NTM: variants seen among roughly 807,000 people sequenced by gnomAD.
The protein encoded by NTM is IgLON family member 2.
Under a neutral mutation model 42.1 loss-of-function variants are expected in NTM, and 13 were observed. The observed-to-expected ratio is 0.31, with a 90% CI of 0.20 to 0.49. NTM has a LOEUF of 0.49. Ranked by LOEUF, NTM falls within the 20% of genes least tolerant of loss-of-function variation. The pLI, the probability that NTM is intolerant of heterozygous loss-of-function variation, is 0.99. For synonymous variants in NTM, 187 were observed against 179.2 expected (o/e 1.04, Z -0.35); for missense variants, 373 against 452.8 (o/e 0.82, Z 1.60).
chr11:132,104,587 C>A (rs2062048113), intron 2 of NTM, among the ~76,000 whole-genome samples: 1 of 129,596 alleles, frequency 7.7e-6, no homozygotes, highest in African/African-American at 3.1e-5. Context: ...CCCCCCCCCA[C>A]CAAAAATAAT....
At chr11:131,547,317 A>C (rs1416377285) in intron 1 of NTM, among the ~76,000 whole-genome samples, 1 of 152,204 alleles carries the variant, frequency 6.6e-6, no homozygotes, top group Non-Finnish European at 1.5e-5. Context: ...AGTAACATTT[A>C]ACAAAAAGAG....
chr11:131,755,489 A>G (rs182499035), intron 1 of NTM, among the ~76,000 whole-genome samples: 9 of 152,296 alleles, frequency 5.9e-5, no homozygotes, highest in Non-Finnish European at 1.0e-4. Flanking sequence ...CTAAATTCTA[A>G]TTTCTGAATA....
At chr11:132,213,209 G>T (rs969538367) in intron 4 of NTM, among the ~76,000 whole-genome samples, 1 of 152,142 alleles carries the variant, frequency 6.6e-6, no homozygotes, top group Non-Finnish European at 1.5e-5. Flanking sequence ...TGGCATGAAA[G>T]ACGCATATTA....
chr11:131,729,947 C>T (rs1273938828), intron 1 of NTM, among the ~76,000 whole-genome samples: 8 of 152,032 alleles, frequency 5.3e-5, no homozygotes, highest in Admixed American at 3.3e-4. Flanking sequence ...TAATTTCTCT[C>T]GGGCATATAT....
intron 1 of NTM, among the ~76,000 whole-genome samples, chr11:131,626,088 AATTT>A (rs1167123968): frequency 6.6e-6 from 1 of 152,162 alleles, no homozygotes; most frequent in African/African-American, 2.4e-5. Flanking sequence ...AGATAAATTC[AATTT>A]ATTTATTAAA....
intron 2 of NTM, among the ~76,000 whole-genome samples, chr11:131,959,212 G>A (rs1485208454): frequency 6.6e-6 from 1 of 152,122 alleles, no homozygotes; most frequent in East Asian, 1.9e-4. Context: ...CCGCAGATTT[G>A]CCCAATCTTT....
chr11:132,302,490 T>C (rs1401851356), intron 4 of NTM, among the ~76,000 whole-genome samples: 1 of 152,178 alleles, frequency 6.6e-6, no homozygotes, highest in Non-Finnish European at 1.5e-5. Context: ...CTTTTGGGAT[T>C]GGGGCCACAG....
At position 131,598,850 on chromosome 11, in the gene NTM, TTCCTTCCTTCCTTCCTTCCTTCC is replaced by T. The variant is rs1565686584; in HGVS notation, c.82+227964_82+227986del. 4.7e-4 allele frequency among the ~76,000 whole-genome samples: 23 copies of T among 49,282 alleles called. 1 individual carries two copies. The highest frequency in any genetic ancestry group is 1.4e-3 in the African/African-American group (23 of 16,688). The allele number at this position is 49,282 out of a possible 152,430, so 32.3% of individuals were successfully genotyped here. On this transcript the variant is annotated intron_variant, in intron 1 of 8. Coordinates refer to ENST00000683400, the MANE Select transcript of NTM (RefSeq NM_001352005.2). ...TCTTCTTTCTTTCTTTCTTTCTTTC[TTCCTTCCTTCCTTCCTTCCTTCC>T]TTCTTCCTTCCTTCCTTCCTTCCTT...
At chr11:132,041,428 C>G (rs2077188144) in intron 2 of NTM, among the ~76,000 whole-genome samples, 1 of 151,402 alleles carries the variant, frequency 6.6e-6, no homozygotes, top group Admixed American at 6.6e-5. Flanking sequence ...ATGCTGATAG[C>G]AAAGGACTTT....
At chr11:132,000,463 G>C (rs186496904) in intron 2 of NTM, among the ~76,000 whole-genome samples, 78 of 152,228 alleles carry the variant, frequency 5.1e-4, no homozygotes, top group Non-Finnish European at 3.1e-4. Flanking sequence ...GTTCCCAAGG[G>C]GATTTCAGCC....
intron 2 of NTM, among the ~76,000 whole-genome samples, chr11:131,957,256 C>A (rs963666652): frequency 6.6e-6 from 1 of 152,138 alleles, no homozygotes; most frequent in Non-Finnish European, 1.5e-5. Flanking sequence ...AAAAGTCTAA[C>A]CAATGTTTGG....
At chr11:131,818,290 G>A (rs959272623) in intron 1 of NTM, among the ~76,000 whole-genome samples, 2 of 152,162 alleles carry the variant, frequency 1.3e-5, no homozygotes, top group African/African-American at 4.8e-5. Context: ...TTGACTTTGG[G>A]AAATAGGTAA....
chr11:131,797,677 C>T (rs937294212), intron 1 of NTM, among the ~76,000 whole-genome samples: 13 of 152,164 alleles, frequency 8.5e-5, no homozygotes, highest in Non-Finnish European at 1.2e-4. Flanking sequence ...CAATTACCAA[C>T]GTAACTCCCA....
chr11:132,220,609 T>C (rs920434380), intron 4 of NTM, among the ~76,000 whole-genome samples: 30 of 152,224 alleles, frequency 2.0e-4, no homozygotes, highest in African/African-American at 7.0e-4. Flanking sequence ...CCACAGACAC[T>C]GTTTGTGGTT....
chr11:131,569,491 T>A (rs1380827127), intron 1 of NTM, among the ~76,000 whole-genome samples: 1 of 152,174 alleles, frequency 6.6e-6, no homozygotes, highest in Non-Finnish European at 1.5e-5. Flanking sequence ...CCTGGACATT[T>A]CATATGTCTT....
chr11:131,680,429 CTGTG>C (rs1357092179), intron 1 of NTM, among the ~76,000 whole-genome samples: 10 of 140,682 alleles, frequency 7.1e-5, no homozygotes, highest in African/African-American at 2.2e-4. Context: ...GCCTCTGTGT[CTGTG>C]TGTGAGATCA....
chr11:132,191,469 A>G (rs1245792684), intron 3 of NTM, among the ~76,000 whole-genome samples: 2 of 152,198 alleles, frequency 1.3e-5, no homozygotes, highest in African/African-American at 4.8e-5. Context: ...GACTATACCC[A>G]GCTTGCATCG....
chr11:132,316,439 T>TACCA lies in NTM; in HGVS notation c.934+1737_934+1740dup, dbSNP rs1183123639. On this transcript the variant is annotated intron_variant, in intron 7 of 8. Transcript: ENST00000683400. ...CCCTGTGCCTCCTTTGGGACGTTTC[T>TACCA]ACCATTGCCAGCTCTCTGGCGTCCA... Among the ~76,000 whole-genome samples the TACCA allele has an allele frequency of 7.2e-5, 11 of 152,314 alleles. No homozygotes were observed. The East Asian group carries it at 2.1e-3, about 29-fold the overall frequency.
chr11:132,265,280 A>C (rs1427546215), intron 4 of NTM, among the ~76,000 whole-genome samples: 1 of 152,218 alleles, frequency 6.6e-6, no homozygotes, highest in Non-Finnish European at 1.5e-5. Context: ...AAAAAATAAA[A>C]ACTGGAACAG....
Sources: allele counts gnomAD v4.1 joint callset (sites outside exome capture counted in the v4.1 genomes callset), GRCh38; gene constraint gnomAD v4.1.1; transcripts MANE v1.5; gene names NCBI Gene and HGNC (gene_info 2026-07-23, HGNC 2026-07-21).